ZBTB20: variants seen among roughly 807,000 people sequenced by gnomAD.
The protein encoded by ZBTB20 is zinc finger and BTB domain-containing protein 20.
A neutral mutation model predicts 56.9 loss-of-function variants in ZBTB20; 9 were observed. The observed-to-expected ratio is 0.16, with a 90% CI of 0.10 to 0.28. The LOEUF (loss-of-function observed/expected upper bound fraction) is 0.28. Among genes scored for constraint, ZBTB20 ranks in the 10% least tolerant of loss-of-function variants. ZBTB20 has a pLI of 1.00. For synonymous variants in ZBTB20, 417 were observed against 420.7 expected, an observed-to-expected ratio of 0.99 and a Z score of 0.11; for missense variants, 655 against 1,003.0, an observed-to-expected ratio of 0.65 and a Z score of 4.69.
chr3:115,110,215 A>C (rs2083836411), intron 1 of ZBTB20, among the ~76,000 whole-genome samples: 1 of 152,144 alleles, frequency 6.6e-6, no homozygotes, highest in Non-Finnish European at 1.5e-5. Context: ...CTTAGAAAAA[A>C]AAAAAAAAAG....
intron 1 of ZBTB20, among the ~76,000 whole-genome samples, chr3:115,106,214 C>A (rs371681474): frequency 6.7e-6 from 1 of 149,368 alleles, no homozygotes; most frequent in Non-Finnish European, 1.5e-5. Flanking sequence ...TTGTAAGTGG[C>A]GTAATTACAC....
At chr3:114,423,293 T>C (rs2089353475) in intron 7 of ZBTB20, among the ~76,000 whole-genome samples, 1 of 152,188 alleles carries the variant, frequency 6.6e-6, no homozygotes, top group Non-Finnish European at 1.5e-5. Flanking sequence ...CTACAGAACA[T>C]CACTCTGGTG....
chr3:114,753,387 A>G, intron 5 of ZBTB20, among the ~76,000 whole-genome samples: 1 of 141,928 alleles, frequency 7.0e-6, no homozygotes, highest in East Asian at 2.0e-4. Context: ...ATATACACAT[A>G]CATGTATGTA....
In ZBTB20 at chr3:114,468,691, T is replaced by G. The variant is rs114125677; in HGVS notation, c.-255+31661A>C. Among the ~76,000 whole-genome samples, 867 of 152,294 alleles carry G rather than the reference T, an allele frequency of 5.7e-3. 12 individuals are homozygous for G. Among genetic ancestry groups the G allele is most frequent in the African/African-American group, 0.02 (842 of 41,576 alleles). On this transcript the variant is annotated intron_variant, in intron 7 of 11. Transcript: ENST00000675478. The stretch of plus-strand genomic sequence containing the variant: ...TTCTTTTCAATAATTCTTTGTCCAG[T>G]ATCATTGGGCATAGTCTTTGCAATG...
At chr3:114,514,265 T>C (rs2045733501) in intron 6 of ZBTB20, among the ~76,000 whole-genome samples, 2 of 152,204 alleles carry the variant, frequency 1.3e-5, no homozygotes, top group African/African-American at 4.8e-5. Flanking sequence ...TGAACTTATA[T>C]ATTGACAACA....
At chr3:114,811,381 C>T (rs2072502089) in intron 4 of ZBTB20, among the ~76,000 whole-genome samples, 1 of 151,948 alleles carries the variant, frequency 6.6e-6, no homozygotes, top group Admixed American at 6.6e-5. Flanking sequence ...CATGATGATC[C>T]ACAATAAAGT....
chr3:114,407,376 C>A (rs896111730), intron 7 of ZBTB20, among the ~76,000 whole-genome samples: 30 of 152,216 alleles, frequency 2.0e-4, no homozygotes, highest in African/African-American at 7.0e-4. Context: ...CAGAGTGAAA[C>A]ATTTATGCAC....
intron 5 of ZBTB20, among the ~76,000 whole-genome samples, chr3:114,774,437 G>T (rs1475293460): frequency 6.6e-6 from 1 of 152,192 alleles, no homozygotes; most frequent in African/African-American, 2.4e-5. Context: ...ATGCAGGATA[G>T]AAATGGCCAC....
chr3:114,366,387 G>C (rs958478292), intron 10 of ZBTB20, among the ~76,000 whole-genome samples: 1 of 151,894 alleles, frequency 6.6e-6, no homozygotes, highest in Non-Finnish European at 1.5e-5. Context: ...TCATTTCTGG[G>C]GGGAATGGGG....
chr3:115,052,983 T>A (rs967892501), intron 2 of ZBTB20, among the ~76,000 whole-genome samples: 4 of 152,238 alleles, frequency 2.6e-5, no homozygotes, highest in African/African-American at 9.6e-5. Flanking sequence ...TTTTTTGTAC[T>A]CTTCAGTAAA....
chr3:114,995,056 G>GATA (rs1324336294), intron 2 of ZBTB20, among the ~76,000 whole-genome samples: 1 of 151,850 alleles, frequency 6.6e-6, no homozygotes, highest in African/African-American at 2.4e-5. Context: ...AATGTTCATG[G>GATA]ATAAGTGTGT....
At position 114,753,429 on chromosome 3, in the gene ZBTB20, A is replaced by ACACACACG. The variant is rs71146335; in HGVS notation, c.-343+47671_-343+47672insCGTGTGTG. 1.4e-3 allele frequency among the ~76,000 whole-genome samples: 201 copies of ACACACACG among 143,874 alleles called. 30 individuals carry two copies. Among genetic ancestry groups the ACACACACG allele is most frequent in the African/African-American group, 4.4e-3 (167 of 38,128 alleles). 94.4% of individuals were successfully genotyped at this position (143,874 alleles called of 152,430 possible). On this transcript the variant is annotated intron_variant, in intron 5 of 11. Coordinates refer to ENST00000675478, the MANE Select transcript of ZBTB20 (RefSeq NM_001348800.3). ...TACACACACGTATATATATATATAT[A>ACACACACG]TATACACACACACTTTTTTTTTTGA...
At chr3:115,066,504 T>C (rs2082212581) in intron 2 of ZBTB20, among the ~76,000 whole-genome samples, 1 of 152,176 alleles carries the variant, frequency 6.6e-6, no homozygotes, top group Non-Finnish European at 1.5e-5. Flanking sequence ...CTGATTTCCA[T>C]TAATTGTCTT....
intron 5 of ZBTB20, chr3:114,713,999 C>T (rs545485568): frequency 6.6e-6 from 1 of 152,642 alleles, no homozygotes; most frequent in African/African-American, 2.4e-5. Context: ...AATAGGAAGC[C>T]TTGGTAGGTG....
intron 6 of ZBTB20, among the ~76,000 whole-genome samples, chr3:114,508,821 T>C (rs945340253): frequency 3.3e-5 from 5 of 152,164 alleles, no homozygotes; most frequent in Non-Finnish European, 7.4e-5. Flanking sequence ...TGACTAGTTA[T>C]AGGATATTGT....
intron 3 of ZBTB20, among the ~76,000 whole-genome samples, chr3:114,966,335 G>A (rs771073035): frequency 6.6e-6 from 1 of 151,934 alleles, no homozygotes; most frequent in South Asian, 2.1e-4. Context: ...AAGCACACGA[G>A]GTGAATGAAG....
intron 1 of ZBTB20, among the ~76,000 whole-genome samples, chr3:115,146,181 AC>A (rs1335737143): frequency 6.6e-6 from 1 of 152,170 alleles, no homozygotes; most frequent in Non-Finnish European, 1.5e-5. Context: ...ACCTCATTCA[AC>A]CCAGTTCGGA....
chr3:114,695,659 T>C (rs572392422), intron 5 of ZBTB20, among the ~76,000 whole-genome samples: 59 of 152,110 alleles, frequency 3.9e-4, no homozygotes, highest in South Asian at 2.5e-3. Flanking sequence ...AAAATTAGGG[T>C]ACTCAGAATA....
At chr3:114,893,727 T>C (rs1209789984) in intron 4 of ZBTB20, among the ~76,000 whole-genome samples, 1 of 145,336 alleles carries the variant, frequency 6.9e-6, no homozygotes, top group Non-Finnish European at 1.5e-5. Context: ...AAAAAAAAGA[T>C]GAGGAAGGGG....
Sources: gnomAD v4.1 joint callset for allele counts (sites outside exome capture counted in the v4.1 genomes callset) on GRCh38, gnomAD v4.1.1 for gene constraint, MANE v1.5 for transcripts, NCBI Gene and HGNC (gene_info 2026-07-23, HGNC 2026-07-21) for gene names.